Variants in GIGYF2 observed in about 807,000 individuals in gnomAD.
The protein encoded by GIGYF2 is GRB10-interacting GYF protein 2.
GIGYF2 carries 25 observed loss-of-function variants against 208.1 expected under a neutral mutation model. The observed-to-expected ratio is 0.12, with a 90% CI of 0.09 to 0.17. The LOEUF (loss-of-function observed/expected upper bound fraction) is 0.17, where lower values mean the gene tolerates loss of function less well. Among genes scored for constraint, GIGYF2 ranks in the 10% least tolerant of loss-of-function variants. GIGYF2 has a pLI of 1.00. For synonymous variants in GIGYF2, 534 were observed against 543.8 expected (o/e 0.98, Z 0.25); for missense variants, 1,302 against 1,579.4 (o/e 0.82, Z 2.98).
chr2:232,714,937 A>C lies in GIGYF2; in HGVS notation c.-44+11448A>C, dbSNP rs536493938. ...GATCCTCTCCCTTCTCCCACTCTCCACCCTCCACCCTCTGAGAGGCCTCAG... is the reference window on the plus strand; with the variant it reads ...GATCCTCTCCCTTCTCCCACTCTCCCCCCTCCACCCTCTGAGAGGCCTCAG... On this transcript the variant is annotated intron_variant, in intron 2 of 28. Coordinates refer to ENST00000373563, the MANE Select transcript of GIGYF2 (RefSeq NM_001103146.3). Among the ~76,000 whole-genome samples the C allele has an allele frequency of 3.3e-5, 5 of 151,340 alleles. No homozygotes were observed. In the South Asian group the frequency reaches 1.1e-3, roughly 32 times the overall value.
intron 8 of GIGYF2, among the ~76,000 whole-genome samples, chr2:232,773,668 T>G (rs1356593457): frequency 5.9e-5 from 9 of 152,246 alleles, no homozygotes; most frequent in African/African-American, 1.7e-4. Context: ...TAGTAATGAT[T>G]AATAATATTA....
intron 21 of GIGYF2, among the ~76,000 whole-genome samples, chr2:232,826,673 TAAAC>T (rs1415173909): frequency 6.6e-6 from 1 of 152,082 alleles, no homozygotes; most frequent in Non-Finnish European, 1.5e-5. Flanking sequence ...GCAAAGAACT[TAAAC>T]AAATTTACAA....
chr2:232,801,478 A>G (rs1315658306), intron 14 of GIGYF2, among the ~76,000 whole-genome samples: 1 of 152,232 alleles, frequency 6.6e-6, no homozygotes, highest in Non-Finnish European at 1.5e-5. Flanking sequence ...TGAGCACAGC[A>G]CTTGGCTTGA....
chr2:232,854,175 C>A (rs1159315243), intron 28 of GIGYF2, among the ~76,000 whole-genome samples: 1 of 152,114 alleles, frequency 6.6e-6, no homozygotes, highest in African/African-American at 2.4e-5. Flanking sequence ...CTTGTACTTG[C>A]CTAATTAACT....
intron 21 of GIGYF2, among the ~76,000 whole-genome samples, chr2:232,831,311 AT>A (rs907533861): frequency 6.6e-6 from 1 of 151,924 alleles, no homozygotes; most frequent in Non-Finnish European, 1.5e-5. Context: ...CTAAATTGAG[AT>A]TTTTTTTCAG....
At chr2:232,738,505 G>T (rs987406071) in intron 3 of GIGYF2, among the ~76,000 whole-genome samples, 2 of 151,976 alleles carry the variant, frequency 1.3e-5, no homozygotes, top group African/African-American at 4.8e-5. Context: ...AATGTAACAT[G>T]ACAAATATTT....
At chr2:232,757,166 TA>T (rs1416547160) in intron 6 of GIGYF2, among the ~76,000 whole-genome samples, 1 of 152,012 alleles carries the variant, frequency 6.6e-6, no homozygotes, top group African/African-American at 2.4e-5. Flanking sequence ...ATAAATAGAG[TA>T]ATTTATCTAC....
At chr2:232,768,136 A>T in intron 8 of GIGYF2, 1 of 1,573,698 alleles carries the variant, frequency 6.4e-7, no homozygotes, top group Non-Finnish European at 8.7e-7. Context: ...CAGTAAAGAA[A>T]AAGTAGCTGC....
chr2:232,701,920 C>A (rs1695863483), intron 1 of GIGYF2, among the ~76,000 whole-genome samples: 1 of 152,094 alleles, frequency 6.6e-6, no homozygotes, highest in East Asian at 1.9e-4. Context: ...ATAATCCCGG[C>A]ACTTTGGGAG....
Position 232,858,426 on chromosome 2 carries a change from A to G in GIGYF2, c.*1566A>G. 4.5e-6 allele frequency: 2 copies of G among 448,948 alleles called. No homozygotes were observed. The highest frequency in any genetic ancestry group is 8.9e-6 in the Non-Finnish European group (2 of 225,188). 27.8% of individuals were successfully genotyped at this position (448,948 alleles called of 1,614,324 possible). On this transcript the variant is annotated 3_prime_UTR_variant, in exon 29 of 29. Transcript: ENST00000373563. ...TACAGAGACTGCTACAAAATTGTAT[A>G]TAGTTTTTGGATCAAATAGCATGAG...
chr2:232,817,135 G>A, intron 20 of GIGYF2, 103 bp downstream of exon 20: 1 of 917,018 alleles, frequency 1.1e-6, no homozygotes, highest in Non-Finnish European at 1.8e-6. Context: ...CACAGGATTG[G>A]GGTTAGAACC....
chr2:232,716,790 A>G (rs1696703055), intron 2 of GIGYF2, among the ~76,000 whole-genome samples: 1 of 152,032 alleles, frequency 6.6e-6, no homozygotes, highest in Non-Finnish European at 1.5e-5. Flanking sequence ...TAGTTTAAAT[A>G]GCTTTGTTTC....
intron 22 of GIGYF2, 62 bp downstream of exon 22, chr2:232,833,155 T>C (rs1012240737): frequency 2.7e-5 from 27 of 1,012,826 alleles, no homozygotes; most frequent in Non-Finnish European, 4.0e-5. Context: ...AGGTAGGTGC[T>C]GGCTGTACCA....
chr2:232,704,340 T>C, intron 2 of GIGYF2, among the ~76,000 whole-genome samples: 1 of 152,214 alleles, frequency 6.6e-6, no homozygotes, highest in Admixed American at 6.5e-5. Flanking sequence ...CTATCTATCT[T>C]TTGGTGAACG....
intron 2 of GIGYF2, among the ~76,000 whole-genome samples, chr2:232,724,921 A>G (rs1490547659): frequency 1.3e-5 from 2 of 152,224 alleles, no homozygotes; most frequent in African/African-American, 4.8e-5. Flanking sequence ...TGTATGCACA[A>G]ATTAGAAACT....
At chr2:232,763,490 CTAA>C (rs1197314951) in intron 8 of GIGYF2, among the ~76,000 whole-genome samples, 7 of 152,014 alleles carry the variant, frequency 4.6e-5, no homozygotes, top group South Asian at 2.1e-4. Flanking sequence ...ACAGTAATAA[CTAA>C]TAATAAAATA....
rs201208087 is a variant in GIGYF2, at chr2:232,819,810, C to T, written c.2371-17C>T. 43 of 454,300 alleles carry T rather than the reference C, an allele frequency of 9.5e-5. No homozygotes were observed. The African/African-American group carries it at 1.2e-3, about 13-fold the overall frequency. The allele number at this position is 454,300 out of a possible 1,614,324, so 28.1% of individuals were successfully genotyped here. On this transcript the variant is annotated splice_polypyrimidine_tract_variant and intron_variant, in intron 20 of 28. Coordinates refer to ENST00000373563, the MANE Select transcript of GIGYF2 (RefSeq NM_001103146.3). ...GAGTCCCTCCCCCACCCCCCACCCT[C>T]CATCTTTTTTCCTTAGGAAGAGGCT...
intron 21 of GIGYF2, 77 bp downstream of exon 21, chr2:232,820,062 G>A: frequency 1.9e-6 from 3 of 1,548,628 alleles, no homozygotes; most frequent in Non-Finnish European, 2.7e-6. Context: ...AGGACATTAA[G>A]GTAGCCTATC....
chr2:232,805,990 A>G (rs1700549733), intron 14 of GIGYF2, among the ~76,000 whole-genome samples: 1 of 141,238 alleles, frequency 7.1e-6, no homozygotes. Context: ...ATTATTTCAT[A>G]TTATAAAACA....
Sources: allele counts gnomAD v4.1 joint callset (sites outside exome capture counted in the v4.1 genomes callset), GRCh38; gene constraint gnomAD v4.1.1; transcripts MANE v1.5; gene names NCBI Gene and HGNC (gene_info 2026-07-23, HGNC 2026-07-21).